TRIM2: variants seen among roughly 807,000 people sequenced by gnomAD.
The protein encoded by TRIM2 is tripartite motif-containing protein 2.
In TRIM2, 20 loss-of-function variants were observed where a neutral mutation model predicts 75.2. The ratio of observed to expected loss-of-function variants is 0.27; its 90% CI spans 0.19 to 0.39. The LOEUF is 0.39. TRIM2 is among the 10% of genes least tolerant of loss of function. The probability of loss-of-function intolerance (pLI) is 1.00; values close to 1 mark genes in which losing one functional copy is unlikely to be tolerated. For synonymous variants in TRIM2, 373 were observed against 388.3 expected, an observed-to-expected ratio of 0.96 and a Z score of 0.46; for missense variants, 660 against 990.8, an observed-to-expected ratio of 0.67 and a Z score of 4.48.
At chr4:153,307,688 C>T (rs1402227496) in intron 6 of TRIM2, 1 of 511,486 alleles carries the variant, frequency 2.0e-6, no homozygotes, top group African/African-American at 1.9e-5. Context: ...CTGCTAGTCA[C>T]AAGCGGGTTT....
chr4:153,311,314 C>G (rs1340566917), intron 6 of TRIM2, among the ~76,000 whole-genome samples: 1 of 152,022 alleles, frequency 6.6e-6, no homozygotes, highest in Non-Finnish European at 1.5e-5. Context: ...ACTAAGACAC[C>G]TCCTTGACTA....
intron 1 of TRIM2, among the ~76,000 whole-genome samples, chr4:153,259,887 C>G (rs1158381602): frequency 6.6e-6 from 1 of 152,190 alleles, no homozygotes; most frequent in Non-Finnish European, 1.5e-5. Context: ...CTGCAGGAAA[C>G]AGATTTCTGC....
At chr4:153,299,986 G>A (rs116778991) in intron 6 of TRIM2, among the ~76,000 whole-genome samples, 3,849 of 152,202 alleles carry the variant, frequency 0.025, 158 homozygotes, top group African/African-American at 0.087. Flanking sequence ...CCATTACTCC[G>A]TTTGCAAGTC....
chr4:153,244,397 TTC>T lies in TRIM2; in HGVS notation c.31-25936_31-25935del, dbSNP rs1265350708. Among the ~76,000 whole-genome samples, 106 of 77,734 alleles carry T rather than the reference TTC, an allele frequency of 1.4e-3. 4 individuals carry two copies. The highest frequency in any genetic ancestry group is 1.9e-3 in the Non-Finnish European group (83 of 42,882). The allele number at this position is 77,734 out of a possible 152,430, so 51.0% of individuals were successfully genotyped here. A position where few individuals can be genotyped will look rare whatever the true frequency, so the allele number is the denominator to read the frequency against. On this transcript the variant is annotated intron_variant, in intron 1 of 11. Coordinates refer to ENST00000338700, the MANE Select transcript of TRIM2 (RefSeq NM_015271.5). The stretch of plus-strand genomic sequence containing the variant: ...CTTCTTCTTCTTCTTCTTCTTCTTC[TTC>T]TTCTTCTTCTTCTTCTTCTTCTTCT...
intron 8 of TRIM2, among the ~76,000 whole-genome samples, chr4:153,316,409 T>C (rs1767595240): frequency 6.6e-6 from 1 of 152,188 alleles, no homozygotes; most frequent in East Asian, 1.9e-4. Flanking sequence ...ACAGATGATA[T>C]GGGAGAAACA....
At chr4:153,318,785 G>A (rs1768263693) in intron 8 of TRIM2, among the ~76,000 whole-genome samples, 1 of 152,064 alleles carries the variant, frequency 6.6e-6, no homozygotes, top group Non-Finnish European at 1.5e-5. Context: ...AGCATTTTTT[G>A]TTCAGTGGTT....
intron 1 of TRIM2, among the ~76,000 whole-genome samples, chr4:153,264,840 T>C (rs1754500185): frequency 3.9e-5 from 6 of 152,192 alleles, no homozygotes; most frequent in Admixed American, 3.9e-4. Flanking sequence ...TCTTTGGGGA[T>C]TGGAAACCTT....
intron 1 of TRIM2, among the ~76,000 whole-genome samples, chr4:153,160,296 A>G (rs1729621201): frequency 6.6e-6 from 1 of 152,250 alleles, no homozygotes; most frequent in Admixed American, 6.5e-5. Flanking sequence ...TTACAAGCAC[A>G]AAGATGAATC....
At chr4:153,247,494 G>T (rs1233298307) in intron 1 of TRIM2, among the ~76,000 whole-genome samples, 2 of 152,062 alleles carry the variant, frequency 1.3e-5, no homozygotes. Flanking sequence ...TGGCCAACAT[G>T]CCAAAACCCC....
At chr4:153,274,611 A>G (rs1757613331) in intron 2 of TRIM2, among the ~76,000 whole-genome samples, 1 of 152,214 alleles carries the variant, frequency 6.6e-6, no homozygotes. Context: ...TGTGATATGA[A>G]TATAATATTC....
chr4:153,170,670 G>A (rs1730759904), intron 1 of TRIM2, among the ~76,000 whole-genome samples: 1 of 152,150 alleles, frequency 6.6e-6, no homozygotes, highest in African/African-American at 2.4e-5. Context: ...CTGGGGATGA[G>A]GTGAGCCTGG....
intron 2 of TRIM2, among the ~76,000 whole-genome samples, chr4:153,273,270 CTTTT>C (rs72414117): frequency 6.8e-4 from 39 of 57,380 alleles, no homozygotes; most frequent in South Asian, 9.8e-4. Context: ...TACAGTCACT[CTTTT>C]TTTTTTTTTT....
chr4:153,330,894 G>A (rs1771322739), intron 11 of TRIM2, among the ~76,000 whole-genome samples: 1 of 152,172 alleles, frequency 6.6e-6, no homozygotes, highest in Non-Finnish European at 1.5e-5. Context: ...TTACAAATTA[G>A]AGTGGAAGAA....
At chr4:153,243,818 TCC>T (rs77308682) in intron 1 of TRIM2, among the ~76,000 whole-genome samples, 1,519 of 98,682 alleles carry the variant, frequency 0.015, 28 homozygotes, top group African/African-American at 0.046. Context: ...TTTTTTTTTT[TCC>T]CCCCCCCCTT....
At chr4:153,261,343 A>G (rs1295648146) in intron 1 of TRIM2, among the ~76,000 whole-genome samples, 2 of 152,120 alleles carry the variant, frequency 1.3e-5, no homozygotes, top group Non-Finnish European at 2.9e-5. Context: ...GCATCACTTG[A>G]ACCTGGGAGG....
chr4:153,243,869 A>G (rs2149858258), intron 1 of TRIM2, among the ~76,000 whole-genome samples: 1 of 129,008 alleles, frequency 7.8e-6, no homozygotes, highest in East Asian at 2.5e-4. Context: ...GACTGGAGAG[A>G]GAGCAGTGGC....
chr4:153,282,682 A>G (rs981723708), intron 3 of TRIM2, among the ~76,000 whole-genome samples: 9 of 152,112 alleles, frequency 5.9e-5, no homozygotes, highest in African/African-American at 2.2e-4. Context: ...CCTGGGCTTA[A>G]GCAATCTGCC....
chr4:153,293,025 G>C lies in TRIM2; in HGVS notation c.497G>C (p.Arg166Pro). The change falls in exon 4 of 12, where the codon CGG (arginine) becomes CCG (proline). Residue 166 changes from arginine (R) to proline (P), a missense_variant. Physicochemically the swap from Arg to Pro is moderately radical, Grantham distance 103. Around this residue, in one of 2 missense-constraint regions of TRIM2, gnomAD observed 620 missense variants for 891.0 expected, o/e 0.70. Coordinates refer to ENST00000338700, the MANE Select transcript of TRIM2 (RefSeq NM_015271.5). ...CAGTCCTGTGAGACTGCCATGTGTC[G>C]GGAGTGCACGGAGGGGGAGCACGCA... ...YCQSCETAMC[R>P]ECTEGEHAEH... 1 of 1,613,314 alleles carries C rather than the reference G, an allele frequency of 6.2e-7. No individual in the cohort carries two copies. Among genetic ancestry groups the C allele is most frequent in the Non-Finnish European group, 8.5e-7 (1 of 1,179,492 alleles).
At chr4:153,284,048 T>G (rs542292519) in intron 3 of TRIM2, among the ~76,000 whole-genome samples, 1 of 151,140 alleles carries the variant, frequency 6.6e-6, no homozygotes, top group African/African-American at 2.4e-5. Context: ...TTTTGTATTT[T>G]TTTTTTTTTA....
Sources: gnomAD v4.1 joint callset for allele counts (sites outside exome capture counted in the v4.1 genomes callset) on GRCh38, gnomAD v4.1.1 for gene constraint, gnomAD v4.1.1 regional missense constraint, MANE v1.5 for transcripts, NCBI Gene and HGNC (gene_info 2026-07-23, HGNC 2026-07-21) for gene names.